MOCS1: variants seen among roughly 807,000 people sequenced by gnomAD.
The protein encoded by MOCS1 is molybdenum cofactor biosynthesis protein 1.
In MOCS1, 39 loss-of-function variants were observed where a neutral mutation model predicts 57.6. The ratio of observed to expected loss-of-function variants is 0.68; its 90% CI spans 0.52 to 0.88. The LOEUF (loss-of-function observed/expected upper bound fraction) is 0.88. Ranked by LOEUF, MOCS1 falls within the 40% of genes least tolerant of loss-of-function variation. The probability of loss-of-function intolerance (pLI) is 0.00; values close to 1 mark genes in which losing one functional copy is unlikely to be tolerated. For missense variants in MOCS1, 795 were observed against 831.1 expected, an observed-to-expected ratio of 0.96 and a Z score of 0.53; for synonymous variants, 334 against 335.7, an observed-to-expected ratio of 1.00 and a Z score of 0.05.
rs1285930895 is a variant in MOCS1, at chr6:39,913,818, C to A, written c.601G>T (p.Glu201Ter). 6.2e-7 allele frequency: 1 copy of A among 1,614,178 alleles called. No individual in the cohort carries two copies. Among genetic ancestry groups the A allele is most frequent in the East Asian group, 2.2e-5 (1 of 44,878 alleles). Reference protein sequence around the residue: ...VRRKGFHKVMEGIHKAIELGY... With the variant: ...VRRKGFHKVM ...AGCTCGATGGCCTTGTGGATGCCCTCCATGACCTTGTGGAAGCCTGGGAGG... is the reference window on the plus strand; with the variant it reads ...AGCTCGATGGCCTTGTGGATGCCCTACATGACCTTGTGGAAGCCTGGGAGG... The change falls in exon 5 of 11, where the codon GAG becomes TAG. Residue 201 changes from glutamate to a stop codon, truncating the protein, a stop_gained. Transcript: ENST00000340692. LOFTEE classifies it high-confidence loss of function.
In MOCS1 at chr6:39,905,719, G is replaced by A. The variant is rs886061386; in HGVS notation, c.*638C>T. On this transcript the variant is annotated 3_prime_UTR_variant, in exon 11 of 11. Coordinates refer to ENST00000340692, the MANE Select transcript of MOCS1 (RefSeq NM_001358530.2). ...TGTGTGCACATCCTGTTTCAGAAGA[G>A]GGGGGCCAGAGGAAAAGGGGCCAGC... 2.1e-6 allele frequency: 1 copy of A among 471,040 alleles called. No homozygotes were observed. The highest frequency in any genetic ancestry group is 4.4e-6 in the Non-Finnish European group (1 of 227,072). The allele number at this position is 471,040 out of a possible 1,614,324, so 29.2% of individuals were successfully genotyped here. A position where few individuals can be genotyped will look rare whatever the true frequency, so the allele number is the denominator to read the frequency against.
At chr6:39,927,259 A>C in intron 2 of MOCS1, 70 bp downstream of exon 2, 1 of 1,564,438 alleles carries the variant, frequency 6.4e-7, no homozygotes, top group South Asian at 1.1e-5. Context: ...ATTTCCAGGC[A>C]CAGGGAAATT....
At chr6:39,917,101 T>C (rs766534202) in intron 3 of MOCS1, among the ~76,000 whole-genome samples, 8 of 152,222 alleles carry the variant, frequency 5.3e-5, no homozygotes, top group Non-Finnish European at 1.2e-4. Context: ...GCCATGGGGC[T>C]GTATTAGTTC....
intron 4 of MOCS1, among the ~76,000 whole-genome samples, chr6:39,914,823 A>G (rs891076081): frequency 1.3e-5 from 2 of 152,222 alleles, no homozygotes; most frequent in African/African-American, 4.8e-5. Context: ...ACAAAAGAGT[A>G]TGAATGGGAG....
chr6:39,916,884 A>G (rs1398361935), intron 3 of MOCS1, among the ~76,000 whole-genome samples: 1 of 152,204 alleles, frequency 6.6e-6, no homozygotes, highest in African/African-American at 2.4e-5. Context: ...AAGGTTCTGT[A>G]AAAACAGGGA....
intron 5 of MOCS1, 55 bp from the exon 6 acceptor site, chr6:39,913,483 A>G (rs1767467330): frequency 6.6e-7 from 1 of 1,513,856 alleles, no homozygotes; most frequent in African/African-American, 1.4e-5. Flanking sequence ...TCTTTTGTGG[A>G]GATGACCCTT....
Position 39,906,288 on chromosome 6 carries a change from G to GTCTT in MOCS1, c.*65_*68dup, listed in dbSNP as rs1766924999. On this transcript the variant is annotated 3_prime_UTR_variant, in exon 11 of 11. Coordinates refer to ENST00000340692, the MANE Select transcript of MOCS1 (RefSeq NM_001358530.2). ...GTGACTGTGATTAAAGGAACCTGAC[G>GTCTT]TCTTTCCCTCAGCCTACATTGCATC... 6.3e-7 allele frequency: 1 copy of GTCTT among 1,581,906 alleles called. No individual in the cohort carries two copies. The highest frequency in any genetic ancestry group is 8.7e-7 in the Non-Finnish European group (1 of 1,153,554).
intron 5 of MOCS1, 48 bp downstream of exon 5, chr6:39,913,726 G>A: frequency 6.3e-7 from 1 of 1,599,458 alleles, no homozygotes; most frequent in Non-Finnish European, 8.6e-7. Flanking sequence ...GGAAGGCCAG[G>A]GCAGTGTGGA....
chr6:39,916,065 C>A lies in MOCS1; in HGVS notation c.583+3G>T. On this transcript the variant is annotated splice_donor_region_variant and intron_variant, in intron 4 of 10. Coordinates refer to ENST00000340692, the MANE Select transcript of MOCS1 (RefSeq NM_001358530.2). ...GACACCCACCCCATCCACATCCGCTCACCTTTCCTGCGGACAATGAACTCA... is the reference window on the plus strand; with the variant it reads ...GACACCCACCCCATCCACATCCGCTAACCTTTCCTGCGGACAATGAACTCA... 1 of 1,604,516 alleles carries A rather than the reference C, an allele frequency of 6.2e-7. No homozygotes were observed. Among genetic ancestry groups the A allele is most frequent in the South Asian group, 1.1e-5 (1 of 89,408 alleles).
At chr6:39,909,504 A>T (rs1767185788) in intron 9 of MOCS1, among the ~76,000 whole-genome samples, 1 of 152,120 alleles carries the variant, frequency 6.6e-6, no homozygotes, top group Non-Finnish European at 1.5e-5. Context: ...TGTGGACATC[A>T]GGACCCTGCC....
intron 3 of MOCS1, among the ~76,000 whole-genome samples, chr6:39,923,743 A>G (rs930536618): frequency 6.6e-6 from 1 of 152,240 alleles, no homozygotes; most frequent in Non-Finnish European, 1.5e-5. Context: ...GTAGGAGCTG[A>G]AGGGAGCTGG....
chr6:39,914,976 C>T (rs1362699490), intron 4 of MOCS1, among the ~76,000 whole-genome samples: 1 of 152,164 alleles, frequency 6.6e-6, no homozygotes. Flanking sequence ...TGCTCCCCCT[C>T]AGAGTATGTG....
rs774709179 is a variant in MOCS1, at chr6:39,925,682, A to G, written c.414T>C (p.Ile138=). 1.2e-6 allele frequency: 2 copies of G among 1,612,632 alleles called. No individual in the cohort carries two copies. The highest frequency in any genetic ancestry group is 1.3e-5 in the African/African-American group (1 of 74,894). ...GATGACTTTCGTCCAACTCACCCACAATGTCCACCACGTCCGGCCGGATAA... is the reference window on the plus strand; with the variant it reads ...GATGACTTTCGTCCAACTCACCCACGATGTCCACCACGTCCGGCCGGATAA... ...EPLIRPDVVD[I]VAQLQRLEGL... Residue 138 remains isoleucine, a synonymous_variant, in exon 3 of 11, where the codon ATT becomes ATC. Coordinates refer to ENST00000340692, the MANE Select transcript of MOCS1 (RefSeq NM_001358530.2).
Position 39,927,423 on chromosome 6 carries a change from C to T in MOCS1, c.156G>A (p.Glu52=). ...GGAAGGCGGAGAAGGGGGCCGCATG[C>T]TCCCGCAGGAACTGCCTCCGCCTGG... ...EVSRRRQFLR[E]HAAPFSAFLT... Residue 52 remains glutamate, a synonymous_variant, in exon 2 of 11, where the codon GAG becomes GAA. Transcript: ENST00000340692. 1 of 1,612,452 alleles carries T rather than the reference C, an allele frequency of 6.2e-7. No individual in the cohort carries two copies. The highest frequency in any genetic ancestry group is 8.5e-7 in the Non-Finnish European group (1 of 1,179,736).
rs1461101552 is a variant in MOCS1 at position 39,906,166 on chromosome 6, G to A, written c.*191C>T. The A allele has an allele frequency of 5.2e-6, 4 of 771,870 alleles. No individual in the cohort carries two copies. The highest frequency in any genetic ancestry group is 1.4e-5 in the South Asian group (1 of 71,090). The allele number at this position is 771,870 out of a possible 1,614,324, so 47.8% of individuals were successfully genotyped here. On this transcript the variant is annotated 3_prime_UTR_variant, in exon 11 of 11. Coordinates refer to ENST00000340692, the MANE Select transcript of MOCS1 (RefSeq NM_001358530.2). ...CTGCTGGTATCCTCCCTATAGAAAG[G>A]AAGCCCCATTGGTCATTAGAGATCA...
At chr6:39,911,544 C>T (rs1484739560) in intron 8 of MOCS1, among the ~76,000 whole-genome samples, 5 of 152,220 alleles carry the variant, frequency 3.3e-5, no homozygotes, top group East Asian at 1.9e-4. Context: ...AGGAACCTTA[C>T]GCAGCACACT....
In MOCS1 at chr6:39,904,197, G is replaced by A; in HGVS notation, c.*2160C>T. On this transcript the variant is annotated 3_prime_UTR_variant, in exon 11 of 11. Coordinates refer to ENST00000340692, the MANE Select transcript of MOCS1 (RefSeq NM_001358530.2). ...CAAGATACATTTGATCTTCAGAAAA[G>A]CAGAATTTGGTTCAACTGTTGACAG... is the stretch of plus-strand genomic sequence containing the variant. 1 of 456,764 alleles carries A rather than the reference G, an allele frequency of 2.2e-6. No individual in the cohort carries two copies. The highest frequency in any genetic ancestry group is 4.4e-6 in the Non-Finnish European group (1 of 226,980). 28.3% of individuals were successfully genotyped at this position (456,764 alleles called of 1,614,324 possible). A position where few individuals can be genotyped will look rare whatever the true frequency, so the allele number is the denominator to read the frequency against.
chr6:39,934,378 G>A lies in MOCS1; in HGVS notation c.40C>T (p.Leu14=). The A allele has an allele frequency of 4.5e-6, 7 of 1,560,330 alleles. No homozygotes were observed. The highest frequency in any genetic ancestry group is 6.0e-6 in the Non-Finnish European group (7 of 1,157,732). Residue 14 remains leucine (L), a synonymous_variant, in exon 1 of 11, where the codon CTG becomes TTG. Coordinates refer to ENST00000340692, the MANE Select transcript of MOCS1 (RefSeq NM_001358530.2). ...RPLSRMLRRL[L]RSSARSCSSG... ...CTGCAGCTCCGGGCGCTGGACCTCA[G>A]AAGCCGCCGCAGCATCCGGGACAGT...
At chr6:39,908,945 T>A in intron 10 of MOCS1, 110 bp downstream of exon 10, 2 of 919,638 alleles carry the variant, frequency 2.2e-6, no homozygotes, top group East Asian at 2.4e-5. Context: ...AAAACAAGGA[T>A]GAGAAATCAG....
Sources: allele counts gnomAD v4.1 joint callset (sites outside exome capture counted in the v4.1 genomes callset), GRCh38; gene constraint gnomAD v4.1.1; transcripts MANE v1.5; gene names NCBI Gene and HGNC (gene_info 2026-07-23, HGNC 2026-07-21).